The following CNTNAP2 variants were observed in gnomAD, a reference collection of about 807,000 sequenced individuals.
CNTNAP2 encodes contactin associated protein 2.
Under a neutral mutation model 155.2 loss-of-function variants are expected in CNTNAP2, and 98 were observed. The observed-to-expected ratio is 0.63, with a 90% CI of 0.54 to 0.75. The LOEUF (loss-of-function observed/expected upper bound fraction) is 0.75. Ranked by LOEUF, CNTNAP2 falls within the 30% of genes least tolerant of loss-of-function variation. The pLI is 0.00. For missense variants in CNTNAP2, 1,727 were observed against 1,688.1 expected, an observed-to-expected ratio of 1.02 and a Z score of -0.40; for synonymous variants, 651 against 631.2, an observed-to-expected ratio of 1.03 and a Z score of -0.47.
At chr7:147,050,711 G>C (rs183119711) in intron 4 of CNTNAP2, among the ~76,000 whole-genome samples, 4 of 152,118 alleles carry the variant, frequency 2.6e-5, no homozygotes, top group Non-Finnish European at 5.9e-5. Context: ...AGATGTGTTA[G>C]TTTCCTGGGG....
intron 8 of CNTNAP2, among the ~76,000 whole-genome samples, chr7:147,274,788 T>C (rs1584837618): frequency 6.6e-6 from 1 of 152,188 alleles, no homozygotes; most frequent in Non-Finnish European, 1.5e-5. Flanking sequence ...ATATTTCATG[T>C]TTTTTTAATA....
intron 8 of CNTNAP2, among the ~76,000 whole-genome samples, chr7:147,162,681 C>T (rs1802049185): frequency 6.6e-6 from 1 of 152,092 alleles, no homozygotes; most frequent in African/African-American, 2.4e-5. Flanking sequence ...AACCAGCACC[C>T]TCAAAGCATT....
At position 148,418,114 on chromosome 7, in the gene CNTNAP2, T is replaced by C. The variant is rs1397503051; in HGVS notation, c.*2498T>C. On this transcript the variant is annotated 3_prime_UTR_variant, in exon 24 of 24. Coordinates refer to ENST00000361727, the MANE Select transcript of CNTNAP2 (RefSeq NM_014141.6). ...ATTAAGTAACTAAGTGCCAAATAAA[T>C]GCTGGAAATCTTGACCTCTCCTTGG... The C allele has an allele frequency of 6.6e-6, 1 of 152,208 alleles. No homozygotes were observed. Among genetic ancestry groups the C allele is most frequent in the Non-Finnish European group, 1.5e-5 (1 of 68,030 alleles). 9.4% of individuals were successfully genotyped at this position (152,208 alleles called of 1,614,324 possible). A position where few individuals can be genotyped will look rare whatever the true frequency, so the allele number is the denominator to read the frequency against.
intron 2 of CNTNAP2, among the ~76,000 whole-genome samples, chr7:146,822,606 T>C (rs1803309742): frequency 6.6e-6 from 1 of 150,412 alleles, no homozygotes; most frequent in Non-Finnish European, 1.5e-5. Flanking sequence ...GTGAATTAGA[T>C]GGTTAACGAA....
intron 3 of CNTNAP2, among the ~76,000 whole-genome samples, chr7:146,842,441 A>G (rs1053904352): frequency 3.9e-5 from 6 of 152,132 alleles, no homozygotes; most frequent in African/African-American, 1.2e-4. Flanking sequence ...AGCTCATTAT[A>G]AAATTTTAAA....
At chr7:146,163,070 C>A (rs538894610) in intron 1 of CNTNAP2, among the ~76,000 whole-genome samples, 3 of 151,978 alleles carry the variant, frequency 2.0e-5, no homozygotes, top group Non-Finnish European at 4.4e-5. Context: ...GACCAGTTAA[C>A]GGGTGCAGCA....
chr7:148,369,689 G>A, intron 21 of CNTNAP2, among the ~76,000 whole-genome samples: 1 of 121,498 alleles, frequency 8.2e-6, no homozygotes. Flanking sequence ...TACTATTACT[G>A]CTACATTCAC....
chr7:146,939,362 T>G (rs1202693621), intron 3 of CNTNAP2, among the ~76,000 whole-genome samples: 1 of 152,354 alleles, frequency 6.6e-6, no homozygotes, highest in East Asian at 1.9e-4. Context: ...GAATTCAATA[T>G]AGCAAATGTG....
chr7:148,090,998 T>TA (rs1585120155), intron 15 of CNTNAP2, among the ~76,000 whole-genome samples: 1 of 152,126 alleles, frequency 6.6e-6, no homozygotes, highest in Non-Finnish European at 1.5e-5. Context: ...TGATCCCACT[T>TA]ACATGTGGAG....
chr7:147,833,312 G>C (rs1374538505), intron 13 of CNTNAP2, among the ~76,000 whole-genome samples: 1 of 152,056 alleles, frequency 6.6e-6, no homozygotes, highest in African/African-American at 2.4e-5. Flanking sequence ...CATAATTAAG[G>C]AGCTGCGTGA....
intron 1 of CNTNAP2, among the ~76,000 whole-genome samples, chr7:146,401,681 G>A (rs145377300): frequency 3.3e-5 from 5 of 152,052 alleles, no homozygotes; most frequent in African/African-American, 7.2e-5. Context: ...CATCTGCCTC[G>A]TGTGTTTTGC....
chr7:146,173,639 T>C (rs1798426704), intron 1 of CNTNAP2, among the ~76,000 whole-genome samples: 1 of 151,660 alleles, frequency 6.6e-6, no homozygotes, highest in South Asian at 2.1e-4. Context: ...TTATAACTTA[T>C]TTTTTGTAAT....
chr7:146,554,356 A>C (rs915115802), intron 1 of CNTNAP2, among the ~76,000 whole-genome samples: 11 of 152,202 alleles, frequency 7.2e-5, no homozygotes, highest in African/African-American at 2.7e-4. Context: ...ATTTCAAAAT[A>C]AGTTGTCTTA....
At chr7:147,131,025 G>GGT (rs1375446183) in intron 7 of CNTNAP2, among the ~76,000 whole-genome samples, 1 of 120,476 alleles carries the variant, frequency 8.3e-6, no homozygotes, top group East Asian at 3.2e-4. Flanking sequence ...ATCAGCATCA[G>GGT]GTATATATAT....
At chr7:147,090,056 C>A (rs938986627) in intron 4 of CNTNAP2, among the ~76,000 whole-genome samples, 1 of 152,142 alleles carries the variant, frequency 6.6e-6, no homozygotes, top group African/African-American at 2.4e-5. Context: ...CCAGCTACCT[C>A]AGGGAAGTCA....
intron 1 of CNTNAP2, among the ~76,000 whole-genome samples, chr7:146,376,255 T>C (rs1185768689): frequency 6.6e-6 from 1 of 152,180 alleles, no homozygotes; most frequent in African/African-American, 2.4e-5. Context: ...TGTAGCTTCT[T>C]TTTTTAAGTT....
At chr7:147,786,584 G>A (rs572045378) in intron 13 of CNTNAP2, among the ~76,000 whole-genome samples, 16 of 152,310 alleles carry the variant, frequency 1.1e-4, no homozygotes, top group African/African-American at 2.9e-4. Flanking sequence ...AAGCAGCAGC[G>A]TGGGGAGTGC....
intron 13 of CNTNAP2, among the ~76,000 whole-genome samples, chr7:147,861,796 G>A (rs1291178692): frequency 6.6e-5 from 10 of 151,918 alleles, no homozygotes; most frequent in Middle Eastern, 3.4e-3. Context: ...CATGAGGATC[G>A]CTTGAGGTCA....
chr7:147,347,953 T>C (rs1174235950), intron 9 of CNTNAP2, among the ~76,000 whole-genome samples: 1 of 151,952 alleles, frequency 6.6e-6, no homozygotes, highest in Non-Finnish European at 1.5e-5. Flanking sequence ...CTTCAATAAA[T>C]GGTGTTGGGA....
Sources: gnomAD v4.1 joint callset for allele counts (sites outside exome capture counted in the v4.1 genomes callset) on GRCh38, gnomAD v4.1.1 for gene constraint, MANE v1.5 for transcripts, NCBI Gene and HGNC (gene_info 2026-07-23, HGNC 2026-07-21) for gene names.